The following ZSWIM5 variants were observed in gnomAD, a reference collection of about 807,000 sequenced individuals.
ZSWIM5 encodes zinc finger SWIM domain-containing protein 5.
In ZSWIM5, 55 loss-of-function variants were observed where a neutral mutation model predicts 119.6. The ratio of observed to expected loss-of-function variants is 0.46; its 90% CI spans 0.37 to 0.58. The LOEUF (loss-of-function observed/expected upper bound fraction) is 0.58. ZSWIM5 is among the 20% of genes least tolerant of loss of function. ZSWIM5 has a pLI of 0.00. For missense variants in ZSWIM5, 1,193 were observed against 1,512.8 expected, an observed-to-expected ratio of 0.79 and a Z score of 3.51; for synonymous variants, 537 against 606.9, an observed-to-expected ratio of 0.88 and a Z score of 1.69.
chr1:45,042,288 AT>A (rs1389819995), intron 6 of ZSWIM5, among the ~76,000 whole-genome samples: 1 of 152,226 alleles, frequency 6.6e-6, no homozygotes, highest in Non-Finnish European at 1.5e-5. Context: ...CCAGAAACTA[AT>A]TATCTTAATT....
At chr1:45,165,739 C>A (rs1029269441) in intron 1 of ZSWIM5, among the ~76,000 whole-genome samples, 9 of 152,116 alleles carry the variant, frequency 5.9e-5, no homozygotes, top group African/African-American at 2.2e-4. Flanking sequence ...AATTCCTGAA[C>A]ACATACACCC....
At chr1:45,058,897 G>T in intron 3 of ZSWIM5, 138 bp from the exon 4 acceptor site, 9 of 924,120 alleles carry the variant, frequency 9.7e-6, no homozygotes, top group Non-Finnish European at 1.5e-5. Context: ...AAGGCCTCTT[G>T]TTCTGTAAGC....
chr1:45,060,653 A>G (rs1404064684), intron 2 of ZSWIM5, among the ~76,000 whole-genome samples: 4 of 152,336 alleles, frequency 2.6e-5, no homozygotes, highest in Middle Eastern at 3.4e-3. Flanking sequence ...AAATAAAAAT[A>G]CATTCTTTGA....
At chr1:45,049,018 C>T (rs894949822) in intron 5 of ZSWIM5, among the ~76,000 whole-genome samples, 1 of 152,112 alleles carries the variant, frequency 6.6e-6, no homozygotes, top group Admixed American at 6.6e-5. Flanking sequence ...GTAGTCCCAA[C>T]TACTCGGGAG....
intron 1 of ZSWIM5, among the ~76,000 whole-genome samples, chr1:45,093,486 G>A (rs1415524697): frequency 1.3e-5 from 2 of 152,168 alleles, no homozygotes; most frequent in South Asian, 2.1e-4. Context: ...GATGCTCTTG[G>A]GAACATGTTC....
At chr1:45,167,607 G>C (rs922728816) in intron 1 of ZSWIM5, among the ~76,000 whole-genome samples, 1 of 151,898 alleles carries the variant, frequency 6.6e-6, no homozygotes, top group Non-Finnish European at 1.5e-5. Context: ...AATCTACAAA[G>C]AACTCAAACA....
chr1:45,156,682 G>A (rs1179425378), intron 1 of ZSWIM5, among the ~76,000 whole-genome samples: 1 of 149,282 alleles, frequency 6.7e-6, no homozygotes, highest in Non-Finnish European at 1.5e-5. Flanking sequence ...TTTGGGTAGA[G>A]TAGGAACGTA....
intron 1 of ZSWIM5, among the ~76,000 whole-genome samples, chr1:45,104,686 T>C (rs987544851): frequency 6.6e-6 from 1 of 152,228 alleles, no homozygotes; most frequent in Admixed American, 6.5e-5. Flanking sequence ...GTTTGTATTA[T>C]AGAGGTCACC....
intron 2 of ZSWIM5, among the ~76,000 whole-genome samples, chr1:45,063,951 C>T (rs1024691861): frequency 6.6e-6 from 1 of 151,266 alleles, no homozygotes; most frequent in Admixed American, 6.6e-5. Flanking sequence ...CACTGCACTC[C>T]AGCTTGGGCG....
chr1:45,206,195 C>T lies in ZSWIM5; in HGVS notation c.156G>A (p.Leu52=), dbSNP rs1429971882. ...GCAGGTGGGGGCGGGCCCCGAGGAC[C>T]AGGCAGCTGCTGCCGACGCCCCCTG... ...GGAGGVGSSC[L]VLGARPHLQP... is the part of the protein sequence containing the mutation. The change falls in exon 1 of 14, where the codon CTG becomes CTA. Residue 52 remains leucine, a synonymous_variant. Coordinates refer to ENST00000359600, the MANE Select transcript of ZSWIM5 (RefSeq NM_020883.2). 1 of 1,601,348 alleles carries T rather than the reference C, an allele frequency of 6.2e-7. No individual in the cohort carries two copies. Among genetic ancestry groups the T allele is most frequent in the Non-Finnish European group, 8.5e-7 (1 of 1,175,230 alleles).
chr1:45,066,302 C>A (rs973207817), intron 2 of ZSWIM5, among the ~76,000 whole-genome samples: 1 of 152,002 alleles, frequency 6.6e-6, no homozygotes, highest in Admixed American at 6.6e-5. Context: ...TTATAGAGAG[C>A]TTGATATGTA....
chr1:45,165,920 C>G (rs1306363400), intron 1 of ZSWIM5, among the ~76,000 whole-genome samples: 1 of 152,100 alleles, frequency 6.6e-6, no homozygotes, highest in African/African-American at 2.4e-5. Context: ...CCTTCTGAAA[C>G]TATTCCAATC....
rs1371119144 is a variant in ZSWIM5 at position 45,072,696 on chromosome 1, A to G, written c.953-12449T>C. Among the ~76,000 whole-genome samples the G allele has an allele frequency of 6.6e-6, 1 of 151,792 alleles. No individual in the cohort carries two copies. Among genetic ancestry groups the G allele is most frequent in the African/African-American group, 2.4e-5 (1 of 41,178 alleles). On this transcript the variant is annotated intron_variant, in intron 2 of 13. Coordinates refer to ENST00000359600, the MANE Select transcript of ZSWIM5 (RefSeq NM_020883.2). The surrounding 1 kb of genome is among the most constrained non-coding windows in gnomAD (Gnocchi z 4.1). ...GAAAAAACTGTCTTTTCCCCAGTGT[A>G]TGTTCTTGGCACCTTTGTAACAAAT...
Position 45,035,730 on chromosome 1 carries a change from T to C in ZSWIM5, c.2249A>G (p.His750Arg). ...AKYLFSALLP[H>R]DPDLSYKLAL... ...TAATTTATAGGACAGGTCTGGATCA[T>C]GAGGCAGCAGAGCTGAGAACAAATA... is the stretch of plus-strand genomic sequence containing the variant. The change falls in exon 10 of 14, where the codon CAT becomes CGT. Residue 750 changes from histidine to arginine, a missense_variant. Physicochemically the swap from His to Arg is conservative, Grantham distance 29. This residue lies in a region of ZSWIM5 where 961 missense variants were observed against 1,290.0 expected (regional missense o/e 0.74). Coordinates refer to ENST00000359600, the MANE Select transcript of ZSWIM5 (RefSeq NM_020883.2). 1 of 1,613,818 alleles carries C rather than the reference T, an allele frequency of 6.2e-7. No individual in the cohort carries two copies. Among genetic ancestry groups the C allele is most frequent in the Non-Finnish European group, 8.5e-7 (1 of 1,179,990 alleles).
chr1:45,018,331 T>G lies in ZSWIM5; in HGVS notation c.*123A>C. ...ACTTTCCCCATCCTTAGCCCTGTGG[T>G]CCTTTGGCCTCATCCACAGGTGCTC... is the stretch of plus-strand genomic sequence containing the variant. On this transcript the variant is annotated 3_prime_UTR_variant, in exon 14 of 14. Coordinates refer to ENST00000359600, the MANE Select transcript of ZSWIM5 (RefSeq NM_020883.2). This position sits in a 1 kb window ranked among gnomAD's most constrained non-coding sequence, Gnocchi z 6.7. 8.2e-7 allele frequency: 1 copy of G among 1,224,432 alleles called. No homozygotes were observed. The highest frequency in any genetic ancestry group is 1.1e-6 in the Non-Finnish European group (1 of 883,996). 75.8% of individuals were successfully genotyped at this position (1,224,432 alleles called of 1,614,324 possible).
At chr1:45,028,463 T>C (rs1420745912) in intron 11 of ZSWIM5, among the ~76,000 whole-genome samples, 2 of 152,176 alleles carry the variant, frequency 1.3e-5, no homozygotes, top group East Asian at 3.8e-4. Context: ...TCAACACACT[T>C]TTTCATCAAA....
chr1:45,080,019 C>T (rs1050320505), intron 2 of ZSWIM5, among the ~76,000 whole-genome samples: 3 of 152,192 alleles, frequency 2.0e-5, no homozygotes, highest in Non-Finnish European at 2.9e-5. Flanking sequence ...CTCATCCCCA[C>T]TCTTCCCTCT....
intron 5 of ZSWIM5, among the ~76,000 whole-genome samples, chr1:45,048,113 T>C (rs1162949608): frequency 2.1e-5 from 3 of 141,920 alleles, no homozygotes; most frequent in African/African-American, 7.8e-5. Flanking sequence ...AGACAGGGTC[T>C]CATTTTGTTG....
intron 1 of ZSWIM5, among the ~76,000 whole-genome samples, chr1:45,152,591 C>G (rs1421604188): frequency 6.6e-6 from 1 of 151,978 alleles, no homozygotes; most frequent in African/African-American, 2.4e-5. Context: ...TCACCATATG[C>G]AAAAATAACT....
Sources: allele counts gnomAD v4.1 joint callset (sites outside exome capture counted in the v4.1 genomes callset), GRCh38; gene constraint gnomAD v4.1.1; regional missense constraint gnomAD v4.1.1; non-coding constraint Gnocchi (gnomAD v3.1); transcripts MANE v1.5; gene names NCBI Gene and HGNC (gene_info 2026-07-23, HGNC 2026-07-21).